FRMD4A: variants seen among roughly 807,000 people sequenced by gnomAD.
FRMD4A encodes FERM domain-containing protein 4A.
Under a neutral mutation model 129.1 loss-of-function variants are expected in FRMD4A, and 29 were observed. The ratio of observed to expected loss-of-function variants is 0.22; its 90% CI spans 0.17 to 0.31. FRMD4A has a LOEUF of 0.31. Ranked by LOEUF, FRMD4A falls within the 10% of genes least tolerant of loss-of-function variation. The probability of loss-of-function intolerance (pLI) is 1.00; values close to 1 mark genes in which losing one functional copy is unlikely to be tolerated. For missense variants in FRMD4A, 1,272 were observed against 1,375.8 expected, an observed-to-expected ratio of 0.92 and a Z score of 1.19; for synonymous variants, 634 against 571.6, an observed-to-expected ratio of 1.11 and a Z score of -1.56.
At chr10:14,114,180 C>T (rs1447559052) in intron 2 of FRMD4A, among the ~76,000 whole-genome samples, 1 of 152,216 alleles carries the variant, frequency 6.6e-6, no homozygotes, top group Non-Finnish European at 1.5e-5. Context: ...GGGCTAGTTT[C>T]CTGCAGACTT....
intron 2 of FRMD4A, among the ~76,000 whole-genome samples, chr10:13,878,130 T>C (rs2094507308): frequency 6.6e-6 from 1 of 151,354 alleles, no homozygotes; most frequent in South Asian, 2.1e-4. Flanking sequence ...TGTTATGTTG[T>C]ATCTGTTAGT....
At chr10:14,185,660 C>T (rs769948954) in intron 2 of FRMD4A, among the ~76,000 whole-genome samples, 6 of 152,140 alleles carry the variant, frequency 3.9e-5, no homozygotes, top group Admixed American at 2.6e-4. Context: ...CGGTTGTTAG[C>T]TGTGCAGATG....
intron 2 of FRMD4A, among the ~76,000 whole-genome samples, chr10:14,248,774 C>G (rs1844334209): frequency 6.6e-6 from 1 of 152,200 alleles, no homozygotes; most frequent in Non-Finnish European, 1.5e-5. Flanking sequence ...TCATTTGCCT[C>G]CTTTCTGTTC....
intron 2 of FRMD4A, among the ~76,000 whole-genome samples, chr10:14,242,583 A>G (rs1015909079): frequency 4.6e-5 from 7 of 152,246 alleles, no homozygotes; most frequent in Non-Finnish European, 7.3e-5. Flanking sequence ...ATTTAAACCT[A>G]TGCCTCTAGT....
intron 2 of FRMD4A, among the ~76,000 whole-genome samples, chr10:14,257,741 A>G (rs556489401): frequency 6.6e-6 from 1 of 152,346 alleles, no homozygotes; most frequent in East Asian, 1.9e-4. Flanking sequence ...TGCAAGCCAA[A>G]GCACTGCTTA....
intron 2 of FRMD4A, among the ~76,000 whole-genome samples, chr10:14,285,486 G>C (rs549409759): frequency 6.6e-6 from 1 of 152,342 alleles, no homozygotes; most frequent in Non-Finnish European, 1.5e-5. Flanking sequence ...AACAGCTCCT[G>C]CCCATGGAGG....
chr10:13,984,139 G>T (rs1007712438), intron 2 of FRMD4A, among the ~76,000 whole-genome samples: 1 of 152,160 alleles, frequency 6.6e-6, no homozygotes, highest in African/African-American at 2.4e-5. Context: ...GGTGCTTTCT[G>T]CAGGGGGCAC....
intron 2 of FRMD4A, among the ~76,000 whole-genome samples, chr10:14,101,245 C>T (rs151130142): frequency 0.012 from 1,770 of 152,300 alleles, 13 homozygotes; most frequent in Middle Eastern, 0.031. Context: ...TAGCACATGA[C>T]GACTGCAGGA....
chr10:13,669,072 T>TTG (rs1190634381), intron 17 of FRMD4A, among the ~76,000 whole-genome samples: 6 of 147,636 alleles, frequency 4.1e-5, no homozygotes, highest in Non-Finnish European at 7.5e-5. Flanking sequence ...TTTTTTTTTT[T>TTG]TTTTTTTTTT....
chr10:13,653,476 C>A (rs974422040), intron 23 of FRMD4A: 3 of 152,258 alleles, frequency 2.0e-5, no homozygotes, highest in Admixed American at 6.5e-5. Flanking sequence ...GTCTGGGCAA[C>A]AGAGTGAGAC....
At chr10:14,167,538 C>CAAAAAAAAAAAAAAAAAA (rs59290414) in intron 2 of FRMD4A, among the ~76,000 whole-genome samples, 1 of 57,580 alleles carries the variant, frequency 1.7e-5, no homozygotes, top group Non-Finnish European at 2.9e-5. Flanking sequence ...CTCCGTCTCT[C>CAAAAAAAAAAAAAAAAAA]AAAAAAAAAA....
At chr10:14,268,184 A>G (rs891106610) in intron 2 of FRMD4A, among the ~76,000 whole-genome samples, 2 of 152,218 alleles carry the variant, frequency 1.3e-5, no homozygotes, top group Non-Finnish European at 2.9e-5. Flanking sequence ...ATCTGTCTAT[A>G]TATTTGTTTT....
intron 2 of FRMD4A, among the ~76,000 whole-genome samples, chr10:14,143,322 A>G (rs900358575): frequency 2.4e-4 from 36 of 152,248 alleles, no homozygotes; most frequent in Admixed American, 1.0e-3. Context: ...AAATCCTGAG[A>G]CAGGCTACAC....
In FRMD4A at chr10:14,094,344, C is replaced by T. The variant is rs545645022; in HGVS notation, c.46-235432G>A. ...CAGTCAACATGGAAGGCATCAAAAC[C>T]GTGTTAACGAGACCCCCTGGGGGAC... On this transcript the variant is annotated intron_variant, in intron 2 of 24. Coordinates refer to ENST00000357447, the MANE Select transcript of FRMD4A (RefSeq NM_018027.5). Among the ~76,000 whole-genome samples, 9 of 152,314 alleles carry T rather than the reference C, an allele frequency of 5.9e-5. No individual in the cohort carries two copies. The South Asian group carries it at 6.2e-4, about 11-fold the overall frequency.
chr10:13,824,548 A>C (rs2093673754), intron 3 of FRMD4A, among the ~76,000 whole-genome samples: 1 of 151,856 alleles, frequency 6.6e-6, no homozygotes, highest in South Asian at 2.1e-4. Context: ...CCAATAATAA[A>C]TAACACAACA....
At chr10:13,925,173 T>C (rs1002391638) in intron 2 of FRMD4A, among the ~76,000 whole-genome samples, 46 of 152,086 alleles carry the variant, frequency 3.0e-4, no homozygotes, top group African/African-American at 1.0e-3. Context: ...TGCACTTACT[T>C]CTTTCAAGGA....
chr10:13,852,963 T>C (rs1020018634), intron 3 of FRMD4A, among the ~76,000 whole-genome samples: 2 of 152,206 alleles, frequency 1.3e-5, no homozygotes, highest in African/African-American at 4.8e-5. Context: ...TTTAATTCCC[T>C]TAGAAAACAC....
chr10:14,001,548 G>A (rs1441110075), intron 2 of FRMD4A, among the ~76,000 whole-genome samples: 1 of 152,200 alleles, frequency 6.6e-6, no homozygotes, highest in Non-Finnish European at 1.5e-5. Context: ...GAGCCAATAA[G>A]CAATGTCATT....
At chr10:14,181,596 A>G (rs1199445764) in intron 2 of FRMD4A, among the ~76,000 whole-genome samples, 1 of 152,214 alleles carries the variant, frequency 6.6e-6, no homozygotes, top group Non-Finnish European at 1.5e-5. Flanking sequence ...GAAATTATGT[A>G]GGGAAACATT....
Sources: allele counts gnomAD v4.1 joint callset (sites outside exome capture counted in the v4.1 genomes callset), GRCh38; gene constraint gnomAD v4.1.1; transcripts MANE v1.5; gene names NCBI Gene and HGNC (gene_info 2026-07-23, HGNC 2026-07-21).